Variants in PLSCR4 observed in about 807,000 individuals in gnomAD.
PLSCR4 encodes the protein phospholipid scramblase 4, also known as Ca(2+)-dependent phospholipid scramblase 4.
A neutral mutation model predicts 36.3 loss-of-function variants in PLSCR4; 25 were observed. That is an observed-to-expected ratio of 0.69 (90% CI 0.50 to 0.96). PLSCR4 has a LOEUF of 0.96. Among genes scored for constraint, PLSCR4 ranks in the 40% least tolerant of loss-of-function variants. The probability of loss-of-function intolerance (pLI) is 0.00; values close to 1 mark genes in which losing one functional copy is unlikely to be tolerated. For synonymous variants in PLSCR4, 122 were observed against 132.9 expected (o/e 0.92, Z 0.56); for missense variants, 408 against 414.7 (o/e 0.98, Z 0.14).
At chr3:146,200,113 C>T (rs2033967923) in intron 5 of PLSCR4, 74 bp from the exon 6 acceptor site, 1 of 838,932 alleles carries the variant, frequency 1.2e-6, no homozygotes, top group South Asian at 1.5e-5. Flanking sequence ...TTTAGTATTT[C>T]TTAAGGGCTT....
chr3:146,248,223 A>C (rs1274490187), intron 1 of PLSCR4, among the ~76,000 whole-genome samples: 1 of 152,196 alleles, frequency 6.6e-6, no homozygotes, highest in Non-Finnish European at 1.5e-5. Flanking sequence ...AAGAAAAAAA[A>C]TGAGACAATA....
In PLSCR4 at chr3:146,205,536, A is replaced by C. The variant is rs146754955; in HGVS notation, c.354+990T>G. Among the ~76,000 whole-genome samples the C allele has an allele frequency of 7.9e-5, 12 of 152,126 alleles. No individual in the cohort carries two copies. The East Asian group carries it at 2.3e-3, about 29-fold the overall frequency. On this transcript the variant is annotated intron_variant, in intron 4 of 8. Coordinates refer to ENST00000354952, the MANE Select transcript of PLSCR4 (RefSeq NM_020353.3). Reference sequence around the variant, plus strand: ...GAGACATAATTAAGTAAAATAAGTTACTTCAATGCAAGCACTGTGATACTG... The same window carrying C: ...GAGACATAATTAAGTAAAATAAGTTCCTTCAATGCAAGCACTGTGATACTG...
At chr3:146,239,787 G>A (rs1315751987) in intron 1 of PLSCR4, among the ~76,000 whole-genome samples, 1 of 152,094 alleles carries the variant, frequency 6.6e-6, no homozygotes, top group African/African-American at 2.4e-5. Flanking sequence ...GGAGGCTGAG[G>A]CAGGAGAATC....
chr3:146,240,291 TAAAA>T (rs200015905), intron 1 of PLSCR4, among the ~76,000 whole-genome samples: 3 of 151,916 alleles, frequency 2.0e-5, no homozygotes, highest in Admixed American at 2.0e-4. Context: ...CACTGATCAT[TAAAA>T]AAAATGCGGA....
At chr3:146,229,136 T>C (rs950351099) in intron 1 of PLSCR4, among the ~76,000 whole-genome samples, 7 of 152,228 alleles carry the variant, frequency 4.6e-5, no homozygotes, top group African/African-American at 1.7e-4. Context: ...GTCTTTGCCC[T>C]GGGTTCCGGG....
At position 146,222,002 on chromosome 3, in the gene PLSCR4, A is replaced by G. The variant is rs1266915164; in HGVS notation, c.7+63T>C. Reference sequence around the variant, plus strand: ...ATCGAAATAAAGTCCCCCTTTAGGGAAAATAATCACAAAATTCACATTTGA... The same window carrying G: ...ATCGAAATAAAGTCCCCCTTTAGGGGAAATAATCACAAAATTCACATTTGA... On this transcript the variant is annotated intron_variant, in intron 2 of 8. Transcript: ENST00000354952. 9.1e-6 allele frequency: 9 copies of G among 988,340 alleles called. No individual in the cohort carries two copies. The Admixed American group carries it at 2.8e-4, about 31-fold the overall frequency. 61.2% of individuals were successfully genotyped at this position (988,340 alleles called of 1,614,324 possible).
intron 3 of PLSCR4, among the ~76,000 whole-genome samples, chr3:146,218,362 T>G (rs3804652): frequency 0.33 from 50,410 of 151,622 alleles, 9,059 homozygotes; most frequent in South Asian, 0.45. Context: ...TTCAATGAGT[T>G]AATGATTAAT....
intron 4 of PLSCR4, among the ~76,000 whole-genome samples, chr3:146,205,983 G>C (rs186749462): frequency 6.6e-6 from 1 of 152,056 alleles, no homozygotes; most frequent in Non-Finnish European, 1.5e-5. Flanking sequence ...TAATTAGGGA[G>C]TTATTGTGTT....
chr3:146,234,212 C>T (rs765208630), intron 1 of PLSCR4, among the ~76,000 whole-genome samples: 13 of 152,060 alleles, frequency 8.5e-5, no homozygotes, highest in South Asian at 4.2e-4. Flanking sequence ...ACATTTTTCT[C>T]TGGTATCCCT....
chr3:146,219,884 G>C (rs1458723172), intron 3 of PLSCR4, among the ~76,000 whole-genome samples: 5 of 152,064 alleles, frequency 3.3e-5, no homozygotes, highest in African/African-American at 1.2e-4. Context: ...AGGTTGTGGT[G>C]AGCCAAGATC....
chr3:146,219,628 A>T (rs1054798483), intron 3 of PLSCR4, among the ~76,000 whole-genome samples: 1 of 152,080 alleles, frequency 6.6e-6, no homozygotes, highest in Non-Finnish European at 1.5e-5. Context: ...AGCCAAAAAA[A>T]ACCTTTGGCC....
At position 146,199,740 on chromosome 3, in the gene PLSCR4, A is replaced by G. The variant is rs2033943177; in HGVS notation, c.624+73T>C. 1.3e-5 allele frequency: 15 copies of G among 1,190,966 alleles called. No individual in the cohort carries two copies. The South Asian group carries it at 1.9e-4, about 15-fold the overall frequency. 73.8% of individuals were successfully genotyped at this position (1,190,966 alleles called of 1,614,324 possible). On this transcript the variant is annotated intron_variant, in intron 6 of 8. Coordinates refer to ENST00000354952, the MANE Select transcript of PLSCR4 (RefSeq NM_020353.3). ...GGGCCAGGGAATATCCTCCCTATGT[A>G]GTGGAAGGAGCACACTATGCCATGA...
chr3:146,195,239 CG>C lies in PLSCR4; in HGVS notation c.829del (p.Arg277GlyfsTer22). The C allele has an allele frequency of 6.2e-7, 1 of 1,613,624 alleles. No individual in the cohort carries two copies. On this transcript the variant is annotated frameshift_variant, in exon 8 of 9. Coordinates refer to ENST00000354952, the MANE Select transcript of PLSCR4 (RefSeq NM_020353.3). LOFTEE classifies it high-confidence loss of function. ...DGISNIGSII[R>X]KWNGLLSAMA... ...TGCTGATAACAAACCATTCCACTTC[CG>C]GATAATACTGCCGATGTTGGATATG...
In PLSCR4 at chr3:146,206,699, A is replaced by G. The variant is rs1328417255; in HGVS notation, c.181T>C (p.Tyr61His). The G allele has an allele frequency of 6.2e-7, 1 of 1,612,032 alleles. No individual in the cohort carries two copies. The highest frequency in any genetic ancestry group is 8.5e-7 in the Non-Finnish European group (1 of 1,178,964). ...GYPGGLPMGY[Y>H]SPQQPSTFPL... ...AAGGTACTGGGTTGCTGTGGACTGT[A>G]GTATCCCATAGGCAAGCCTCCTGGG... is the stretch of plus-strand genomic sequence containing the variant. The change falls in exon 4 of 9, where the codon TAC (tyrosine) becomes CAC (histidine). Residue 61 changes from tyrosine (Y) to histidine (H), a missense_variant. Transcript: ENST00000354952.
chr3:146,215,968 C>T (rs572115715), intron 3 of PLSCR4, among the ~76,000 whole-genome samples: 8 of 152,172 alleles, frequency 5.3e-5, no homozygotes, highest in African/African-American at 4.8e-5. Context: ...CTGTGGCTCA[C>T]GCCTGTAATC....
rs773200455 is a variant in PLSCR4, at chr3:146,195,259, G to A, written c.810C>T (p.Ser270=). Residue 270 remains serine (S), a synonymous_variant, in exon 8 of 9, where the codon TCC becomes TCT. Coordinates refer to ENST00000354952, the MANE Select transcript of PLSCR4 (RefSeq NM_020353.3). ...VFEVKSLDGI[S]NIGSIIRKWN... Reference sequence around the variant, plus strand: ...ACTTCCGGATAATACTGCCGATGTTGGATATGCCATCAAGGGATTTGACCT... The same window carrying A: ...ACTTCCGGATAATACTGCCGATGTTAGATATGCCATCAAGGGATTTGACCT... The A allele has an allele frequency of 6.2e-6, 10 of 1,613,540 alleles. No individual in the cohort carries two copies. In the South Asian group the frequency reaches 8.8e-5, roughly 14 times the overall value.
chr3:146,211,547 T>C (rs2034621816), intron 3 of PLSCR4, among the ~76,000 whole-genome samples: 1 of 152,122 alleles, frequency 6.6e-6, no homozygotes, highest in Admixed American at 6.6e-5. Flanking sequence ...TTTTTAATTG[T>C]TATGAAGTCC....
At chr3:146,242,943 A>T (rs923913430) in intron 1 of PLSCR4, among the ~76,000 whole-genome samples, 3 of 152,174 alleles carry the variant, frequency 2.0e-5, no homozygotes, top group Admixed American at 6.6e-5. Flanking sequence ...CATCTAATGG[A>T]TCCACTACCT....
chr3:146,202,150 T>C (rs2034080055), intron 4 of PLSCR4, among the ~76,000 whole-genome samples: 1 of 151,924 alleles, frequency 6.6e-6, no homozygotes, highest in Non-Finnish European at 1.5e-5. Context: ...CACAATGACA[T>C]AAGGAGACAT....
Sources: gnomAD v4.1 joint callset for allele counts (sites outside exome capture counted in the v4.1 genomes callset) on GRCh38, gnomAD v4.1.1 for gene constraint, MANE v1.5 for transcripts, NCBI Gene and HGNC (gene_info 2026-07-23, HGNC 2026-07-21) for gene names.